The following TRIM24 variants were observed in gnomAD, a reference collection of about 807,000 sequenced individuals.
TRIM24 encodes the protein transcription intermediary factor 1-alpha.
TRIM24 carries 29 observed loss-of-function variants against 123.9 expected under a neutral mutation model. The observed-to-expected ratio is 0.23, with a 90% CI of 0.17 to 0.32. The LOEUF is 0.32. TRIM24 is among the 10% of genes least tolerant of loss of function. The pLI, the probability that TRIM24 is intolerant of heterozygous loss-of-function variation, is 1.00. For missense variants in TRIM24, 932 were observed against 1,295.3 expected (o/e 0.72, Z 4.31); for synonymous variants, 456 against 461.1 (o/e 0.99, Z 0.14).
chr7:138,577,597 G>A lies in TRIM24; in HGVS notation c.2256+9G>A. On this transcript the variant is annotated intron_variant, in intron 14 of 18. Coordinates refer to ENST00000343526, the MANE Select transcript of TRIM24 (RefSeq NM_015905.3). The stretch of plus-strand genomic sequence containing the variant: ...AATCTAGGCCTCAAAATGTAATTAT[G>A]AATGCTTGCAATGCTATTCCTATGC... 2 of 1,595,124 alleles carry A rather than the reference G, an allele frequency of 1.3e-6. No individual in the cohort carries two copies. Among genetic ancestry groups the A allele is most frequent in the African/African-American group, 2.7e-5 (2 of 73,728 alleles).
At chr7:138,489,573 G>C (rs1233623448) in intron 1 of TRIM24, among the ~76,000 whole-genome samples, 1 of 152,078 alleles carries the variant, frequency 6.6e-6, no homozygotes, top group African/African-American at 2.4e-5. Context: ...GCATTTTCTT[G>C]TCTATAAAGG....
At chr7:138,524,234 T>A (rs572069547) in intron 4 of TRIM24, among the ~76,000 whole-genome samples, 78 of 152,288 alleles carry the variant, frequency 5.1e-4, no homozygotes, top group Non-Finnish European at 9.3e-4. Context: ...TTCCTAAACC[T>A]GATAAAGATT....
intron 7 of TRIM24, among the ~76,000 whole-genome samples, chr7:138,543,434 C>G (rs1438662363): frequency 1.3e-5 from 2 of 152,098 alleles, no homozygotes; most frequent in Non-Finnish European, 2.9e-5. Context: ...AGAAGATTTT[C>G]TAACTTCAGA....
At chr7:138,461,345 G>T (rs776633721) in intron 1 of TRIM24, 5 of 436,666 alleles carry the variant, frequency 1.1e-5, no homozygotes, top group South Asian at 6.8e-5. Context: ...CACGTTATTT[G>T]AGCTGCAGGG....
rs1797953641 is a variant in TRIM24 at position 138,583,706 on chromosome 7, G to A, written c.2794-144G>A. ...AAGGCAGTGGGCACTTGTAAACACT[G>A]TTAAATGGGTTTCTTTACTAATGGC... On this transcript the variant is annotated intron_variant, in intron 17 of 18. Transcript: ENST00000343526. 7 of 628,078 alleles carry A rather than the reference G, an allele frequency of 1.1e-5. No individual in the cohort carries two copies. In the South Asian group the frequency reaches 1.6e-4, roughly 15 times the overall value. The allele number at this position is 628,078 out of a possible 1,614,324, so 38.9% of individuals were successfully genotyped here.
chr7:138,511,797 T>C (rs1383294384), intron 2 of TRIM24, among the ~76,000 whole-genome samples: 1 of 152,136 alleles, frequency 6.6e-6, no homozygotes, highest in African/African-American at 2.4e-5. Context: ...TGTAATGTCC[T>C]TCTCACTTTC....
intron 14 of TRIM24, among the ~76,000 whole-genome samples, chr7:138,578,563 T>TGTGTGTGTGTGTGCGC (rs145011901): frequency 2.1e-4 from 30 of 145,086 alleles, no homozygotes; most frequent in African/African-American, 7.6e-4. Context: ...TGTGTGTGTG[T>TGTGTGTGTGTGTGCGC]GCGCGCACGC....
intron 11 of TRIM24, 88 bp from the exon 12 acceptor site, chr7:138,573,412 ATAATTAT>A (rs1797695594): frequency 7.8e-6 from 9 of 1,150,756 alleles, no homozygotes; most frequent in Non-Finnish European, 1.0e-5. Flanking sequence ...TTATTCGATA[ATAATTAT>A]TAAGTTATTG....
At position 138,539,922 on chromosome 7, in the gene TRIM24, T is replaced by C. The variant is rs763943445; in HGVS notation, c.1143+1119T>C. Among the ~76,000 whole-genome samples the C allele has an allele frequency of 3.3e-5, 5 of 151,070 alleles. No individual in the cohort carries two copies. The South Asian group carries it at 8.4e-4, about 25-fold the overall frequency. On this transcript the variant is annotated intron_variant, in intron 7 of 18. Transcript: ENST00000343526. Reference sequence around the variant, plus strand: ...TTCACACCATTCTTCTGCCTCAGCCTCCCGAGTAGCTGGAACTACAGGCGT... The same window carrying C: ...TTCACACCATTCTTCTGCCTCAGCCCCCCGAGTAGCTGGAACTACAGGCGT...
chr7:138,482,914 C>T (rs1795560735), intron 1 of TRIM24, among the ~76,000 whole-genome samples: 1 of 150,554 alleles, frequency 6.6e-6, no homozygotes, highest in South Asian at 2.1e-4. Context: ...TGTTTTATGT[C>T]TTAATTTGTT....
intron 7 of TRIM24, among the ~76,000 whole-genome samples, chr7:138,546,247 G>T (rs918744436): frequency 6.6e-6 from 1 of 152,172 alleles, no homozygotes; most frequent in African/African-American, 2.4e-5. Flanking sequence ...CAAGAATACT[G>T]TAACTAAGTC....
intron 9 of TRIM24, among the ~76,000 whole-genome samples, chr7:138,564,734 T>C (rs1797499771): frequency 6.6e-6 from 1 of 152,180 alleles, no homozygotes; most frequent in South Asian, 2.1e-4. Flanking sequence ...TGTGGTTCCT[T>C]TGGCTGGCCA....
At chr7:138,567,426 A>C in intron 9 of TRIM24, 55 bp from the exon 10 acceptor site, 1 of 1,489,216 alleles carries the variant, frequency 6.7e-7, no homozygotes, top group Non-Finnish European at 9.1e-7. Context: ...AGAGATTTAT[A>C]ATTTGTTTTT....
intron 9 of TRIM24, among the ~76,000 whole-genome samples, chr7:138,565,646 G>T (rs1813003): frequency 0.76 from 115,716 of 152,022 alleles, 44,277 homozygotes; most frequent in Non-Finnish European, 0.78. Context: ...ATAGGTAGAA[G>T]AGGAGGATTT....
In TRIM24 at chr7:138,579,440, T is replaced by G. The variant is rs899336139; in HGVS notation, c.2493T>G (p.Val831=). The G allele has an allele frequency of 4.3e-6, 7 of 1,614,124 alleles. No homozygotes were observed. Among genetic ancestry groups the G allele is most frequent in the Non-Finnish European group, 5.9e-6 (7 of 1,180,010 alleles). The stretch of plus-strand genomic sequence containing the variant: ...ACCCCAATGAGGACTGGTGTGCAGT[T>G]TGTCAAAACGGAGGGGAACTCCTCT... ...EDDPNEDWCA[V]CQNGGELLCC... is the part of the protein sequence containing the mutation. Residue 831 remains valine, a synonymous_variant, in exon 15 of 19, where the codon GTT becomes GTG. Transcript: ENST00000343526.
At chr7:138,579,148 C>T in intron 14 of TRIM24, 56 bp from the exon 15 acceptor site, 2 of 1,427,298 alleles carry the variant, frequency 1.4e-6, no homozygotes, top group East Asian at 2.3e-5. Flanking sequence ...TTCAGAATTG[C>T]ATTAGTGATA....
chr7:138,475,348 T>A (rs1584686589), intron 1 of TRIM24, among the ~76,000 whole-genome samples: 1 of 151,248 alleles, frequency 6.6e-6, no homozygotes, highest in Non-Finnish European at 1.5e-5. Context: ...GGGAAGGAGG[T>A]GGTGGGAAGG....
chr7:138,583,541 G>A (rs1418046406), intron 17 of TRIM24, among the ~76,000 whole-genome samples: 1 of 152,120 alleles, frequency 6.6e-6, no homozygotes, highest in East Asian at 1.9e-4. Context: ...GATCACTTAA[G>A]CCCAGGAGGC....
chr7:138,508,530 A>G (rs574973387), intron 2 of TRIM24, among the ~76,000 whole-genome samples: 2 of 152,208 alleles, frequency 1.3e-5, no homozygotes, highest in East Asian at 3.9e-4. Context: ...TTCCTTCATC[A>G]ATTCTTTGAT....
Sources: allele counts gnomAD v4.1 joint callset (sites outside exome capture counted in the v4.1 genomes callset), GRCh38; gene constraint gnomAD v4.1.1; transcripts MANE v1.5; gene names NCBI Gene and HGNC (gene_info 2026-07-23, HGNC 2026-07-21).